The following TBC1D30 variants were observed in gnomAD, a reference collection of about 807,000 sequenced individuals.
TBC1D30 encodes the protein TBC1 domain family member 30.
Under a neutral mutation model 63.2 loss-of-function variants are expected in TBC1D30, and 31 were observed. The ratio of observed to expected loss-of-function variants is 0.49; its 90% confidence interval spans 0.37 to 0.66. The LOEUF (loss-of-function observed/expected upper bound fraction) is 0.66, where lower values mean the gene tolerates loss of function less well. TBC1D30 is among the 30% of genes least tolerant of loss of function. The pLI is 0.00. For synonymous variants in TBC1D30, 307 were observed against 361.5 expected, an observed-to-expected ratio of 0.85 and a Z score of 1.71; for missense variants, 810 against 953.6, an observed-to-expected ratio of 0.85 and a Z score of 1.98.
At chr12:64,759,595 A>AGAAAAGGGCGGAGAACCGG (rs1357761126) in exon 1 of TBC1D30, 4 of 318,636 alleles carry the variant, frequency 1.3e-5, no homozygotes, top group South Asian at 4.8e-5. Context: ...GGAGAACCGG[A>AGAAAAGGGCGGAGAACCGG]GAAAAGGGCG....
chr12:64,817,679 C>G (rs1421188981), intron 2 of TBC1D30, among the ~76,000 whole-genome samples: 1 of 152,190 alleles, frequency 6.6e-6, no homozygotes, highest in Non-Finnish European at 1.5e-5. Flanking sequence ...AACTCATCAC[C>G]CTTCTCCTGT....
chr12:64,866,419 A>G (rs1047296902), intron 9 of TBC1D30, among the ~76,000 whole-genome samples: 12 of 152,084 alleles, frequency 7.9e-5, no homozygotes, highest in Non-Finnish European at 1.3e-4. Flanking sequence ...GAAACTTTAT[A>G]AATCACGTCA....
chr12:64,827,282 C>A (rs1874440956), intron 1 of TBC1D30, among the ~76,000 whole-genome samples: 1 of 152,102 alleles, frequency 6.6e-6, no homozygotes, highest in Non-Finnish European at 1.5e-5. Flanking sequence ...AAACCCTGTT[C>A]TACAAAAAAT....
chr12:64,876,507 G>C lies in TBC1D30; in HGVS notation c.*719G>C, dbSNP rs968546535. On this transcript the variant is annotated 3_prime_UTR_variant, in exon 12 of 12. Transcript: ENST00000539867. ...ATGCTTTACGCAGTTGCTCCGGACA[G>C]CTTGCTCGCGCCACTGAGCTTTTCC... 3.4e-6 allele frequency: 1 copy of C among 294,912 alleles called. No individual in the cohort carries two copies. Among genetic ancestry groups the C allele is most frequent in the African/African-American group, 2.2e-5 (1 of 46,174 alleles). The allele number at this position is 294,912 out of a possible 1,614,324, so 18.3% of individuals were successfully genotyped here.
chr12:64,760,718 T>C (rs1870472848), intron 1 of TBC1D30, among the ~76,000 whole-genome samples: 1 of 150,322 alleles, frequency 6.7e-6, no homozygotes, highest in African/African-American at 2.5e-5. Flanking sequence ...GTGAAAACTA[T>C]TCCAGAACTT....
chr12:64,759,735 G>C (rs1291776655), intron 1 of TBC1D30: 1 of 169,262 alleles, frequency 5.9e-6, no homozygotes, highest in African/African-American at 2.4e-5. Context: ...TAAATGGGGG[G>C]AAGAGAAGAT....
chr12:64,789,581 A>T (rs1871806225), intron 2 of TBC1D30, among the ~76,000 whole-genome samples: 1 of 152,204 alleles, frequency 6.6e-6, no homozygotes, highest in Non-Finnish European at 1.5e-5. Context: ...GGAATATAGT[A>T]ATTTTGAAAT....
chr12:64,765,356 G>C (rs1241956959), intron 1 of TBC1D30, among the ~76,000 whole-genome samples: 1 of 151,618 alleles, frequency 6.6e-6, no homozygotes, highest in Non-Finnish European at 1.5e-5. Flanking sequence ...GGGCATGGTG[G>C]CGGGTGCCTG....
chr12:64,826,600 T>C (rs1025383237), intron 1 of TBC1D30, among the ~76,000 whole-genome samples: 1 of 152,148 alleles, frequency 6.6e-6, no homozygotes, highest in African/African-American at 2.4e-5. Context: ...GTTATCACCG[T>C]TCTATGTTTG....
chr12:64,771,410 G>A (rs1168765299), intron 1 of TBC1D30, among the ~76,000 whole-genome samples: 1 of 152,114 alleles, frequency 6.6e-6, no homozygotes, highest in Non-Finnish European at 1.5e-5. Context: ...TATTCATCAT[G>A]AGTTAGGTTC....
At chr12:64,851,034 C>G (rs1414650323) in intron 8 of TBC1D30, among the ~76,000 whole-genome samples, 1 of 152,120 alleles carries the variant, frequency 6.6e-6, no homozygotes, top group Non-Finnish European at 1.5e-5. Flanking sequence ...TTCATTTCTT[C>G]TAGATTTTCT....
intron 7 of TBC1D30, among the ~76,000 whole-genome samples, chr12:64,840,752 A>T (rs1875801835): frequency 6.6e-6 from 1 of 152,238 alleles, no homozygotes. Flanking sequence ...TGCTTTTAAT[A>T]ATGTGAATCT....
At chr12:64,780,927 C>A in exon 1 of TBC1D30, 1 of 1,041,548 alleles carries the variant, frequency 9.6e-7, no homozygotes, top group South Asian at 2.6e-5. Context: ...CCTGCAGCTC[C>A]CCCAGCCCCG....
chr12:64,877,565 G>A lies in TBC1D30; in HGVS notation c.*1777G>A, dbSNP rs1311811582. Reference sequence around the variant, plus strand: ...ATGACTAATAAGTTATTGCAGTTTTGGTCTTGAATTCTGTGCCATCTGAAG... The same window carrying A: ...ATGACTAATAAGTTATTGCAGTTTTAGTCTTGAATTCTGTGCCATCTGAAG... On this transcript the variant is annotated 3_prime_UTR_variant, in exon 12 of 12. Transcript: ENST00000539867. The A allele has an allele frequency of 6.6e-6, 1 of 152,066 alleles. No homozygotes were observed. Among genetic ancestry groups the A allele is most frequent in the Non-Finnish European group, 1.5e-5 (1 of 68,032 alleles). The allele number at this position is 152,066 out of a possible 1,614,324, so 9.4% of individuals were successfully genotyped here. A position where few individuals can be genotyped will look rare whatever the true frequency, so the allele number is the denominator to read the frequency against.
At chr12:64,846,999 T>C (rs1876441547) in intron 8 of TBC1D30, among the ~76,000 whole-genome samples, 1 of 152,020 alleles carries the variant, frequency 6.6e-6, no homozygotes, top group African/African-American at 2.4e-5. Flanking sequence ...GTTCACTGTT[T>C]GCATATAGAG....
At chr12:64,857,898 T>A (rs1456121468) in intron 8 of TBC1D30, among the ~76,000 whole-genome samples, 1 of 152,170 alleles carries the variant, frequency 6.6e-6, no homozygotes, top group Non-Finnish European at 1.5e-5. Context: ...CAATGTAAAG[T>A]CCTCTAGTCA....
chr12:64,875,323 A>C lies in TBC1D30; in HGVS notation c.1821A>C (p.Ala607=), dbSNP rs955694290. ...EASKTNGLGA[A]EAFPSGCTAT... ...GCAAGACCAATGGGCTGGGGGCAGC[A>C]GAGGCATTCCCCTCTGGTTGTACAG... Residue 607 remains alanine (A), a synonymous_variant, in exon 12 of 12, where the codon GCA becomes GCC. Transcript: ENST00000539867. 6.5e-7 allele frequency: 1 copy of C among 1,536,302 alleles called. No individual in the cohort carries two copies. The highest frequency in any genetic ancestry group is 8.7e-7 in the Non-Finnish European group (1 of 1,146,910).
intron 2 of TBC1D30, among the ~76,000 whole-genome samples, chr12:64,800,498 A>G (rs1383790098): frequency 2.6e-5 from 4 of 152,066 alleles, no homozygotes; most frequent in Admixed American, 2.6e-4. Flanking sequence ...CTGGAAGTGG[A>G]GGAAAGGCAA....
chr12:64,820,841 T>C (rs1219070936), upstream of TBC1D30, among the ~76,000 whole-genome samples: 1 of 152,248 alleles, frequency 6.6e-6, no homozygotes, highest in African/African-American at 2.4e-5. Flanking sequence ...TTAGTGCTCA[T>C]GTAATTATCT....
Sources: allele counts gnomAD v4.1 joint callset (sites outside exome capture counted in the v4.1 genomes callset), GRCh38; gene constraint gnomAD v4.1.1; transcripts MANE v1.5; gene names NCBI Gene and HGNC (gene_info 2026-07-23, HGNC 2026-07-21).